Variants in KCNH2 observed in about 807,000 individuals in gnomAD.
KCNH2 encodes potassium voltage-gated channel subfamily H member 2.
A neutral mutation model predicts 95.9 loss-of-function variants in KCNH2; 35 were observed. The observed-to-expected ratio is 0.37, with a 90% CI of 0.28 to 0.48. The LOEUF (loss-of-function observed/expected upper bound fraction) is 0.48, where lower values mean the gene tolerates loss of function less well. KCNH2 is among the 20% of genes least tolerant of loss of function. KCNH2 has a pLI of 0.99. For missense variants in KCNH2, 1,274 were observed against 1,702.9 expected, an observed-to-expected ratio of 0.75 and a Z score of 4.43; for synonymous variants, 786 against 754.7, an observed-to-expected ratio of 1.04 and a Z score of -0.68.
rs1177213407 is a variant in KCNH2, at chr7:150,948,524, G to A, written c.2612C>T (p.Ser871Phe). The A allele has an allele frequency of 1.2e-6, 2 of 1,613,636 alleles. No homozygotes were observed. Among genetic ancestry groups the A allele is most frequent in the Admixed American group, 1.7e-5 (1 of 60,014 alleles). ...ACCCTCTAACTCCGTACTGCCGGGG[G>A]AGCCCGGGATCATGTTGGTCTGGAA... is the stretch of plus-strand genomic sequence containing the variant. ...NLRDTNMIPG[S>F]PGSTELEGGF... The change falls in exon 11 of 15, where the codon TCC (serine) becomes TTC (phenylalanine). Residue 871 changes from serine (S) to phenylalanine (F), a missense_variant. This residue lies in a region of KCNH2 where 457 missense variants were observed against 416.1 expected (regional missense o/e 1.10). Transcript: ENST00000262186.
At chr7:150,970,376 T>C (rs1457929293) in intron 2 of KCNH2, among the ~76,000 whole-genome samples, 1 of 151,348 alleles carries the variant, frequency 6.6e-6, no homozygotes, top group Non-Finnish European at 1.5e-5. Context: ...AATATTTACA[T>C]AGCTCCTCTC....
Position 150,958,555 on chromosome 7 carries a change from G to A in KCNH2, c.473-53C>T, listed in dbSNP as rs758890. 514,433 of 1,426,778 alleles carry A rather than the reference G, an allele frequency of 0.36. 97,794 individuals are homozygous for A. The highest frequency in any genetic ancestry group is 0.79 in the East Asian group (26,159 of 33,078). The allele number at this position is 1,426,778 out of a possible 1,614,324, so 88.4% of individuals were successfully genotyped here. ...TGGGGATCGCGAGCAGCCCCGGAGC[G>A]GGCAAGGCCTGGGAAATGGACCCCC... is the stretch of plus-strand genomic sequence containing the variant. On this transcript the variant is annotated intron_variant, in intron 3 of 14. Coordinates refer to ENST00000262186, the MANE Select transcript of KCNH2 (RefSeq NM_000238.4).
chr7:150,946,959 G>T lies in KCNH2; in HGVS notation c.3248C>A (p.Thr1083Asn). The change falls in exon 14 of 15, where the codon ACC (threonine) becomes AAC (asparagine). Residue 1083 changes from threonine (T) to asparagine (N), a missense_variant. Around this residue, in one of 7 missense-constraint regions of KCNH2, gnomAD observed 457 missense variants for 416.1 expected, o/e 1.10. Transcript: ENST00000262186. The surrounding 1 kb of genome is among the most constrained non-coding windows in gnomAD (Gnocchi z 6.5). ...TGTGGAAGTGGGGCCAGGCCCCGGG[G>T]TGGTCACAGCACTGTAGGCGGGCGG... ...LVPPAYSAVT[T>N]PGPGPTSTSP... The T allele has an allele frequency of 6.2e-7, 1 of 1,607,436 alleles. No individual in the cohort carries two copies.
chr7:150,971,341 T>C (rs1801833850), intron 2 of KCNH2, among the ~76,000 whole-genome samples: 1 of 152,114 alleles, frequency 6.6e-6, no homozygotes. Flanking sequence ...GGAGCAGGCC[T>C]GGACAGCAGG....
intron 4 of KCNH2, 88 bp from the exon 5 acceptor site, chr7:150,957,590 C>T: frequency 2.1e-6 from 2 of 968,008 alleles, no homozygotes; most frequent in Non-Finnish European, 3.3e-6. Context: ...AGACCAGGCC[C>T]TGCACAGTCA....
At chr7:150,968,494 A>T (rs1801760404) in intron 2 of KCNH2, among the ~76,000 whole-genome samples, 1 of 152,230 alleles carries the variant, frequency 6.6e-6, no homozygotes, top group South Asian at 2.1e-4. Context: ...CCAAAATACA[A>T]CATATAGCAC....
In KCNH2 at chr7:150,967,782, CT is replaced by C. The variant is rs540314596; in HGVS notation, c.307+6928del. ...ATTTGTTTGCATCAAAATTAAGTAT[CT>C]TTGTTGGATAAATTGAAGAGAGACT... On this transcript the variant is annotated intron_variant, in intron 2 of 14. Transcript: ENST00000262186. Among the ~76,000 whole-genome samples the C allele has an allele frequency of 1.7e-4, 26 of 152,298 alleles. No individual in the cohort carries two copies. In the South Asian group the frequency reaches 5.0e-3, roughly 29 times the overall value.
intron 2 of KCNH2, among the ~76,000 whole-genome samples, 197 bp from the exon 3 acceptor site, chr7:150,959,933 T>C (rs1801508903): frequency 6.6e-6 from 1 of 152,198 alleles, no homozygotes; most frequent in Admixed American, 6.5e-5. Context: ...TCAATCTGTC[T>C]ACCCCAGCTT....
chr7:150,947,964 C>G, intron 11 of KCNH2, 86 bp from the exon 12 acceptor site: 4 of 1,420,112 alleles, frequency 2.8e-6, no homozygotes, highest in Non-Finnish European at 2.8e-6. Flanking sequence ...GGAGCGAGCC[C>G]GAGAGAGGAC....
In KCNH2 at chr7:150,977,926, G is replaced by C. The variant is rs760884776; in HGVS notation, c.-13C>G. ...TCCGCACCGGCATCCTGAGCCCATG[G>C]GCGGGCCGGGCGGGCCCCCACCCAC... On this transcript the variant is annotated 5_prime_UTR_variant, in exon 1 of 15. Coordinates refer to ENST00000262186, the MANE Select transcript of KCNH2 (RefSeq NM_000238.4). 4 of 1,578,314 alleles carry C rather than the reference G, an allele frequency of 2.5e-6. No homozygotes were observed. The highest frequency in any genetic ancestry group is 1.1e-5 in the South Asian group (1 of 88,002).
intron 10 of KCNH2, 124 bp downstream of exon 10, chr7:150,948,732 T>A: frequency 9.0e-7 from 1 of 1,108,824 alleles, no homozygotes. Context: ...GGCTGCTCTA[T>A]GATACCATTT....
At chr7:150,949,084 C>CG (rs759473545) in intron 9 of KCNH2, 35 bp from the exon 10 acceptor site, 13 of 1,587,298 alleles carry the variant, frequency 8.2e-6, no homozygotes, top group East Asian at 6.8e-5. Context: ...AGCTCAGCCC[C>CG]GGGGGGCGGC....
chr7:150,975,172 C>G (rs1346722232), intron 1 of KCNH2, among the ~76,000 whole-genome samples: 2 of 151,926 alleles, frequency 1.3e-5, no homozygotes, highest in African/African-American at 4.8e-5. Context: ...GGCCCGCGGG[C>G]GGGCTGCGTG....
chr7:150,955,528 G>T (rs1262491379), intron 5 of KCNH2: 6 of 1,534,638 alleles, frequency 3.9e-6, no homozygotes, highest in Non-Finnish European at 4.4e-6. Flanking sequence ...CCTGCAGCCT[G>T]CCTGCCCTGG....
intron 3 of KCNH2, among the ~76,000 whole-genome samples, chr7:150,958,949 T>C (rs1438335983): frequency 6.6e-6 from 1 of 152,012 alleles, no homozygotes; most frequent in African/African-American, 2.4e-5. Context: ...CATTTTAGAG[T>C]GTAAGAAACC....
chr7:150,945,128 C>T lies in KCNH2; in HGVS notation c.*237G>A, dbSNP rs1056690551. On this transcript the variant is annotated 3_prime_UTR_variant, in exon 15 of 15. Transcript: ENST00000262186. This position sits in a 1 kb window ranked among gnomAD's most constrained non-coding sequence, Gnocchi z 5.6. ...CTCCGGGCAGTTAGACCAGCTAATG[C>T]CCTCAGGGCAGTGGGGGGACCACAG... is the stretch of plus-strand genomic sequence containing the variant. The T allele has an allele frequency of 5.5e-6, 3 of 542,180 alleles. No individual in the cohort carries two copies. The highest frequency in any genetic ancestry group is 6.5e-6 in the Non-Finnish European group (2 of 307,934). 33.6% of individuals were successfully genotyped at this position (542,180 alleles called of 1,614,324 possible).
At chr7:150,974,521 G>A (rs1195905913) in intron 2 of KCNH2, among the ~76,000 whole-genome samples, 190 bp downstream of exon 2, 6 of 152,242 alleles carry the variant, frequency 3.9e-5, no homozygotes, top group Middle Eastern at 3.4e-3. Flanking sequence ...CGCAGGCCCC[G>A]GAACCGCGCC....
chr7:150,965,525 G>GT (rs1336616973), intron 2 of KCNH2, among the ~76,000 whole-genome samples: 1 of 152,132 alleles, frequency 6.6e-6, no homozygotes, highest in African/African-American at 2.4e-5. Flanking sequence ...GCACAGGCGC[G>GT]TGAGTCCCGG....
At chr7:150,963,089 CT>C (rs1801610447) in intron 2 of KCNH2, among the ~76,000 whole-genome samples, 1 of 152,220 alleles carries the variant, frequency 6.6e-6, no homozygotes, top group African/African-American at 2.4e-5. Flanking sequence ...GTGGCCCCAG[CT>C]CCCCAGGGCA....
Sources: allele counts gnomAD v4.1 joint callset (sites outside exome capture counted in the v4.1 genomes callset), GRCh38; gene constraint gnomAD v4.1.1; regional missense constraint gnomAD v4.1.1; non-coding constraint Gnocchi (gnomAD v3.1); transcripts MANE v1.5; gene names NCBI Gene and HGNC (gene_info 2026-07-23, HGNC 2026-07-21).